Variants in EPM2A observed in about 807,000 individuals in gnomAD.
EPM2A encodes the protein EPM2A glucan phosphatase, laforin.
A neutral mutation model predicts 26.5 loss-of-function variants in EPM2A; 21 were observed. The ratio of observed to expected loss-of-function variants is 0.79; its 90% CI spans 0.56 to 1.14. EPM2A has a LOEUF of 1.14. Among genes scored for constraint, EPM2A ranks in the 50% most tolerant of loss-of-function variants. The probability of loss-of-function intolerance (pLI) is 0.00; values close to 1 mark genes in which losing one functional copy is unlikely to be tolerated. For missense variants in EPM2A, 458 were observed against 440.8 expected (o/e 1.04, Z -0.35); for synonymous variants, 217 against 177.6 (o/e 1.22, Z -1.76).
At chr6:145,729,803 G>T (rs1225359916) in intron 1 of EPM2A, among the ~76,000 whole-genome samples, 1 of 152,178 alleles carries the variant, frequency 6.6e-6, no homozygotes, top group East Asian at 1.9e-4. Flanking sequence ...GTGTGAGAAG[G>T]ACAGGAGATT....
intron 2 of EPM2A, among the ~76,000 whole-genome samples, chr6:145,660,158 G>A (rs1479104583): frequency 2.6e-5 from 4 of 152,122 alleles, no homozygotes; most frequent in Non-Finnish European, 5.9e-5. Flanking sequence ...TTCTGAAGAA[G>A]AGACTAGGCC....
At chr6:145,394,012 T>A (rs7759297) in intron 4 of EPM2A, among the ~76,000 whole-genome samples, 56,811 of 151,242 alleles carry the variant, frequency 0.38, 10,902 homozygotes, top group South Asian at 0.45. Context: ...TTTAGTAGAG[T>A]CAGGGTTTCA....
chr6:145,444,246 T>A (rs1192259161), intron 4 of EPM2A, among the ~76,000 whole-genome samples: 1 of 152,220 alleles, frequency 6.6e-6, no homozygotes, highest in East Asian at 1.9e-4. Context: ...TTGGCATAAA[T>A]GGCTGTCATT....
chr6:145,428,451 A>G (rs1222963472), intron 4 of EPM2A, among the ~76,000 whole-genome samples: 1 of 152,146 alleles, frequency 6.6e-6, no homozygotes. Context: ...CGGTTAATCT[A>G]TTGTTTTGAA....
intron 4 of EPM2A, among the ~76,000 whole-genome samples, chr6:145,469,948 T>C (rs1779451856): frequency 6.6e-6 from 1 of 152,146 alleles, no homozygotes; most frequent in East Asian, 1.9e-4. Flanking sequence ...TGTTCTCATG[T>C]ATTTGTGGGA....
intron 1 of EPM2A, among the ~76,000 whole-genome samples, chr6:145,712,443 A>G (rs1200365297): frequency 6.6e-6 from 1 of 152,138 alleles, no homozygotes. Context: ...CTCCTGACGC[A>G]CTGCTTTGAA....
intron 4 of EPM2A, among the ~76,000 whole-genome samples, chr6:145,424,721 T>A (rs897225280): frequency 1.2e-4 from 18 of 152,146 alleles, no homozygotes; most frequent in Non-Finnish European, 2.6e-4. Context: ...ATTAGTTCAC[T>A]TTTTTATAAA....
At chr6:145,715,828 T>A (rs1002593003) in intron 1 of EPM2A, among the ~76,000 whole-genome samples, 1 of 152,180 alleles carries the variant, frequency 6.6e-6, no homozygotes. Context: ...ACCATCTAAT[T>A]GCAGGAAAAC....
intron 2 of EPM2A, among the ~76,000 whole-genome samples, chr6:145,536,270 T>G (rs60395955): frequency 0.014 from 2,067 of 150,930 alleles, 43 homozygotes; most frequent in African/African-American, 0.047. Flanking sequence ...TTTTTGTTTT[T>G]GTTTTTGTTT....
chr6:145,664,052 G>A (rs1778958274), intron 2 of EPM2A, among the ~76,000 whole-genome samples: 1 of 82,564 alleles, frequency 1.2e-5, no homozygotes, highest in South Asian at 3.2e-4. Context: ...ACCAGCCGCT[G>A]CAAAATCATG....
chr6:145,577,577 G>C (rs958518455), intron 2 of EPM2A, among the ~76,000 whole-genome samples: 37 of 143,334 alleles, frequency 2.6e-4, no homozygotes, highest in African/African-American at 1.1e-3. Flanking sequence ...GAGAAATGTA[G>C]ACCCCCCCCC....
chr6:145,503,199 T>G (rs1405656346), intron 2 of EPM2A, among the ~76,000 whole-genome samples: 2 of 152,210 alleles, frequency 1.3e-5, no homozygotes, highest in Non-Finnish European at 1.5e-5. Context: ...GTCTATTTAT[T>G]ATTGACTTTA....
chr6:145,449,655 T>G (rs1779171648), intron 4 of EPM2A, among the ~76,000 whole-genome samples: 1 of 152,220 alleles, frequency 6.6e-6, no homozygotes, highest in Non-Finnish European at 1.5e-5. Flanking sequence ...TTTTTCAGTT[T>G]GGTACAGAAT....
rs138309999 is a variant in EPM2A, at chr6:145,673,358, G to A, written c.476+12764C>T. Reference sequence around the variant, plus strand: ...CTGATCTGCAGCTCCCAGTGTGATCGACGCAGAAGATAGGTGATTTCTGCA... The same window carrying A: ...CTGATCTGCAGCTCCCAGTGTGATCAACGCAGAAGATAGGTGATTTCTGCA... On this transcript the variant is annotated intron_variant, in intron 2 of 3. Transcript: ENST00000367519. Among the ~76,000 whole-genome samples, 462 of 152,270 alleles carry A rather than the reference G, an allele frequency of 3.0e-3. 6 individuals carry two copies. Among genetic ancestry groups the A allele is most frequent in the African/African-American group, 0.011 (442 of 41,560 alleles).
chr6:145,412,324 C>T (rs1359348894), intron 4 of EPM2A, among the ~76,000 whole-genome samples: 1 of 151,852 alleles, frequency 6.6e-6, no homozygotes, highest in African/African-American at 2.4e-5. Flanking sequence ...AGTTGAATAT[C>T]AAAGTACACA....
intron 3 of EPM2A, chr6:145,631,565 C>T (rs1381651956): frequency 6.6e-6 from 1 of 152,080 alleles, no homozygotes; most frequent in Non-Finnish European, 1.5e-5. Context: ...ACTAGAAAAA[C>T]AGCAATAAAA....
At chr6:145,571,835 G>T (rs568912373) in intron 2 of EPM2A, among the ~76,000 whole-genome samples, 1 of 152,294 alleles carries the variant, frequency 6.6e-6, no homozygotes, top group Admixed American at 6.5e-5. Context: ...AGGCTGAGCG[G>T]TGTCCACAGA....
downstream of EPM2A, among the ~76,000 whole-genome samples, chr6:145,498,873 G>C (rs1325165877): frequency 6.6e-6 from 1 of 152,132 alleles, no homozygotes; most frequent in African/African-American, 2.4e-5. Context: ...TACAAAGGCT[G>C]TTTTCATATC....
chr6:145,598,668 T>G (rs887524878), intron 2 of EPM2A, among the ~76,000 whole-genome samples: 5 of 152,196 alleles, frequency 3.3e-5, no homozygotes, highest in Non-Finnish European at 7.4e-5. Context: ...GGCTTTGTCA[T>G]AAAATCTTTG....
Sources: gnomAD v4.1 joint callset for allele counts (sites outside exome capture counted in the v4.1 genomes callset) on GRCh38, gnomAD v4.1.1 for gene constraint, MANE v1.5 for transcripts, NCBI Gene and HGNC (gene_info 2026-07-23, HGNC 2026-07-21) for gene names.